The following P2RX5 variants were observed in gnomAD, a reference collection of about 807,000 sequenced individuals.
P2RX5 encodes the protein P2X purinoceptor 5.
A neutral mutation model predicts 54.1 loss-of-function variants in P2RX5; 46 were observed. The ratio of observed to expected loss-of-function variants is 0.85; its 90% CI spans 0.67 to 1.09. P2RX5 has a LOEUF of 1.09. Among genes scored for constraint, P2RX5 ranks in the 50% least tolerant of loss-of-function variants. P2RX5 has a pLI of 0.00. For missense variants in P2RX5, 566 were observed against 549.8 expected, an observed-to-expected ratio of 1.03 and a Z score of -0.29; for synonymous variants, 226 against 226.4, an observed-to-expected ratio of 1.00 and a Z score of 0.02.
At chr17:3,700,349 A>C (rs2050809313), upstream of P2RX5, among the ~76,000 whole-genome samples, 1 of 152,110 alleles carries the variant, frequency 6.6e-6, no homozygotes, top group Non-Finnish European at 1.5e-5. Flanking sequence ...CCTGACCAAC[A>C]TGGTGAAACC....
upstream of P2RX5, among the ~76,000 whole-genome samples, chr17:3,698,242 T>C (rs2050793599): frequency 6.6e-6 from 1 of 151,852 alleles, no homozygotes; most frequent in Non-Finnish European, 1.5e-5. Context: ...ACCCTGACAG[T>C]GCTGCTCCAG....
chr17:3,674,100 G>A (rs992894390), intron 11 of P2RX5, among the ~76,000 whole-genome samples: 6 of 152,162 alleles, frequency 3.9e-5, no homozygotes, highest in African/African-American at 1.4e-4. Flanking sequence ...GGATCACGAG[G>A]TCAGGAGATC....
At chr17:3,699,917 G>GGAAGGAAGGAAGGAAA (rs1555571319), upstream of P2RX5, among the ~76,000 whole-genome samples, 5 of 75,480 alleles carry the variant, frequency 6.6e-5, no homozygotes, top group Non-Finnish European at 8.8e-5. Flanking sequence ...AAGGAAGGAA[G>GGAAGGAAGGAAGGAAA]GAAAGAAAGA....
At chr17:3,677,428 C>A (rs979939772) in intron 11 of P2RX5, 10 of 985,418 alleles carry the variant, frequency 1.0e-5, no homozygotes, top group Admixed American at 1.2e-4. Flanking sequence ...CTGGCTTCCC[C>A]ACTAAGAGCC....
chr17:3,683,602 C>T (rs1489773171), intron 9 of P2RX5, among the ~76,000 whole-genome samples: 1 of 152,066 alleles, frequency 6.6e-6, no homozygotes, highest in Non-Finnish European at 1.5e-5. Context: ...CGGTGGCGCA[C>T]GCCTGTAATC....
At chr17:3,704,388 T>G in the P2RX5 span, among the ~76,000 whole-genome samples, 3 of 152,192 alleles carry the variant, frequency 2.0e-5, no homozygotes, top group Non-Finnish European at 4.4e-5. Flanking sequence ...GGGAAGAGTT[T>G]CACCAAGAGC....
intron 2 of P2RX5, 58 bp downstream of exon 2, chr17:3,691,586 C>T (rs2050618369): frequency 4.4e-6 from 7 of 1,608,086 alleles, no homozygotes; most frequent in Non-Finnish European, 6.0e-6. Context: ...CCCGTGTGAC[C>T]CACCCGAACC....
At chr17:3,695,772 T>G in intron 1 of P2RX5, 97 bp downstream of exon 1, 1 of 1,489,932 alleles carries the variant, frequency 6.7e-7, no homozygotes, top group Admixed American at 1.7e-5. Flanking sequence ...GAAAACCGCG[T>G]GCACGCCTGC....
chr17:3,689,926 G>A (rs545248138), intron 6 of P2RX5, 144 bp downstream of exon 6: 210 of 846,818 alleles, frequency 2.5e-4, no homozygotes, highest in South Asian at 7.8e-4. Flanking sequence ...ACATGCACGC[G>A]CACACACGCA....
At chr17:3,692,549 A>G (rs1056456286) in intron 1 of P2RX5, among the ~76,000 whole-genome samples, 4 of 151,876 alleles carry the variant, frequency 2.6e-5, no homozygotes, top group African/African-American at 9.7e-5. Flanking sequence ...ATTCTACAAA[A>G]TAAGAGTACA....
chr17:3,723,742 G>T, the P2RX5 span: 4 of 1,607,164 alleles, frequency 2.5e-6, no homozygotes, highest in African/African-American at 5.3e-5. Context: ...ACACCGTGGA[G>T]GCCTGAAACG....
At position 3,695,698 on chromosome 17, in the gene P2RX5, C is replaced by G. The variant is rs372456146; in HGVS notation, c.137+171G>C. Among the ~76,000 whole-genome samples the G allele has an allele frequency of 9.6e-4, 146 of 152,252 alleles. 6 individuals carry two copies. In the South Asian group the frequency reaches 0.025, roughly 26 times the overall value. ...GAGAGCCCCCTCTCTACACCCTACT[C>G]CTACACCCAAGGACCCAAAGAGGAC... On this transcript the variant is annotated intron_variant, in intron 1 of 11. Coordinates refer to ENST00000225328, the MANE Select transcript of P2RX5 (RefSeq NM_002561.4).
chr17:3,716,953 G>GA, the P2RX5 span: 2 of 581,108 alleles, frequency 3.4e-6, no homozygotes, highest in South Asian at 2.1e-5. Flanking sequence ...GATATTCCCT[G>GA]ATGCAGCATT....
intron 9 of P2RX5, among the ~76,000 whole-genome samples, chr17:3,683,835 G>C (rs946738183): frequency 2.0e-5 from 3 of 152,142 alleles, no homozygotes; most frequent in Admixed American, 6.5e-5. Flanking sequence ...CTGCAGGTAG[G>C]GATCCATGTG....
At chr17:3,723,577 G>C in the P2RX5 span, 2 of 1,204,090 alleles carry the variant, frequency 1.7e-6, no homozygotes, top group Non-Finnish European at 2.3e-6. Context: ...GGGCCTGGCA[G>C]CCCCCGGCAC....
the P2RX5 span, among the ~76,000 whole-genome samples, chr17:3,713,677 G>A: frequency 6.6e-6 from 1 of 151,640 alleles, no homozygotes; most frequent in African/African-American, 2.4e-5. Context: ...TTGAACCCGG[G>A]AGGCGGAGGT....
the P2RX5 span, chr17:3,716,721 C>G: frequency 3.1e-6 from 5 of 1,609,800 alleles, no homozygotes; most frequent in Middle Eastern, 1.6e-4. Flanking sequence ...CGATCAACAC[C>G]AGAAGTCCAC....
upstream of P2RX5, among the ~76,000 whole-genome samples, chr17:3,699,095 C>CACACATACACACACACATA (rs60173844): frequency 1.0e-5 from 1 of 100,192 alleles, no homozygotes; most frequent in African/African-American, 4.3e-5. Flanking sequence ...ACACACACAC[C>CACACATACACACACACATA]TATATATATA....
At position 3,691,019 on chromosome 17, in the gene P2RX5, G is replaced by C; in HGVS notation, c.297C>G (p.Asn99Lys). The change falls in exon 3 of 12, where the codon AAC (asparagine) becomes AAG (lysine). Residue 99 changes from asparagine to lysine, a missense_variant. Transcript: ENST00000225328. ...ADYVIPAQGE[N>K]VFFVVTNLIV... ...TCAGGTTGGTGACCACAAAAAAGAC[G>C]TTCTCTCCCTAAGGAACCAGAGAGG... The C allele has an allele frequency of 6.2e-7, 1 of 1,612,092 alleles. No homozygotes were observed. The highest frequency in any genetic ancestry group is 1.6e-4 in the Middle Eastern group (1 of 6,062).
Sources: allele counts gnomAD v4.1 joint callset (sites outside exome capture counted in the v4.1 genomes callset), GRCh38; gene constraint gnomAD v4.1.1; transcripts MANE v1.5; gene names NCBI Gene and HGNC (gene_info 2026-07-23, HGNC 2026-07-21).